CCNY: variants seen among roughly 807,000 people sequenced by gnomAD.
CCNY encodes cyclin Y.
In CCNY, 19 loss-of-function variants were observed where a neutral mutation model predicts 42.8. That is an observed-to-expected ratio of 0.44 (90% CI 0.31 to 0.65). The LOEUF is 0.65. Among genes scored for constraint, CCNY ranks in the 30% least tolerant of loss-of-function variants. The pLI, the probability that CCNY is intolerant of heterozygous loss-of-function variation, is 0.07. For synonymous variants in CCNY, 165 were observed against 162.7 expected (o/e 1.01, Z -0.11); for missense variants, 370 against 437.3 (o/e 0.85, Z 1.37).
At chr10:35,247,354 G>T (rs2095708718) in intron 1 of CCNY, among the ~76,000 whole-genome samples, 1 of 152,206 alleles carries the variant, frequency 6.6e-6, no homozygotes. Context: ...AGCACTTTGG[G>T]AGGCTGAGGT....
At chr10:35,406,671 T>C (rs1360139751) in intron 1 of CCNY, among the ~76,000 whole-genome samples, 4 of 152,204 alleles carry the variant, frequency 2.6e-5, no homozygotes, top group Non-Finnish European at 5.9e-5. Flanking sequence ...CTCAGTCTTT[T>C]CCCCACCTTT....
At chr10:35,262,333 A>G (rs914889978) in intron 3 of CCNY, among the ~76,000 whole-genome samples, 9 of 132,278 alleles carry the variant, frequency 6.8e-5, no homozygotes, top group African/African-American at 2.9e-4. Flanking sequence ...ATTTTATTTT[A>G]TTTTATTTTA....
intron 1 of CCNY, among the ~76,000 whole-genome samples, chr10:35,339,943 A>G (rs547666307): frequency 6.6e-6 from 1 of 152,352 alleles, no homozygotes; most frequent in East Asian, 1.9e-4. Context: ...AAAAAACAGC[A>G]ACACATAACA....
At chr10:35,430,934 T>G (rs1327284054) in intron 1 of CCNY, among the ~76,000 whole-genome samples, 2 of 151,976 alleles carry the variant, frequency 1.3e-5, no homozygotes, top group Non-Finnish European at 2.9e-5. Context: ...CTGGCCAACA[T>G]GGTGAAACCC....
Position 35,453,122 on chromosome 10 carries a change from A to C in CCNY, c.155-30282A>C, listed in dbSNP as rs563768012. On this transcript the variant is annotated intron_variant, in intron 1 of 9. Transcript: ENST00000374704. ...CAGCGTCCAACTAATTTTTTCATAG[A>C]GATAGGGTCTTGCTTTGTTGCCTAG... is the stretch of plus-strand genomic sequence containing the variant. Among the ~76,000 whole-genome samples, 127 of 152,242 alleles carry C rather than the reference A, an allele frequency of 8.3e-4. No homozygotes were observed. The Middle Eastern group carries it at 0.02, about 24-fold the overall frequency.
At chr10:35,310,974 C>CAACAAAACAAAACAAAACAAAACAA (rs59550105) in intron 3 of CCNY, among the ~76,000 whole-genome samples, 20 of 145,758 alleles carry the variant, frequency 1.4e-4, no homozygotes, top group African/African-American at 5.2e-4. Flanking sequence ...AACCCTGTCT[C>CAACAAAACAAAACAAAACAAAACAA]AACAAAACAA....
intron 3 of CCNY, among the ~76,000 whole-genome samples, chr10:35,327,273 TCTG>T (rs1448774621): frequency 6.6e-6 from 1 of 152,240 alleles, no homozygotes; most frequent in East Asian, 1.9e-4. Context: ...AGTTTTGCAA[TCTG>T]CTTTCTCTCT....
chr10:35,346,448 A>C (rs1049415865), intron 1 of CCNY, among the ~76,000 whole-genome samples: 1 of 152,220 alleles, frequency 6.6e-6, no homozygotes, highest in African/African-American at 2.4e-5. Context: ...GATCCCACAC[A>C]TCAGCAAGAT....
intron 3 of CCNY, among the ~76,000 whole-genome samples, chr10:35,262,396 T>G (rs1217126128): frequency 1.3e-5 from 2 of 150,524 alleles, no homozygotes; most frequent in Non-Finnish European, 2.9e-5. Context: ...TCTCACTCTG[T>G]TGCCCAGGCT....
chr10:35,376,234 C>G (rs573054109), intron 1 of CCNY, among the ~76,000 whole-genome samples: 4 of 152,278 alleles, frequency 2.6e-5, no homozygotes, highest in African/African-American at 9.6e-5. Context: ...ATGGTGCAGC[C>G]ACTGAGGAAA....
upstream of CCNY, among the ~76,000 whole-genome samples, chr10:35,335,564 A>G (rs1836003871): frequency 7.1e-6 from 1 of 139,952 alleles, no homozygotes; most frequent in African/African-American, 2.6e-5. Context: ...AAATGCTTAG[A>G]AAAAAAAAAT....
chr10:35,290,428 AT>A (rs1328637554), intron 3 of CCNY, among the ~76,000 whole-genome samples: 1 of 151,622 alleles, frequency 6.6e-6, no homozygotes, highest in Non-Finnish European at 1.5e-5. Flanking sequence ...AAAAAAAAAA[AT>A]CATAAAAGGG....
intron 3 of CCNY, among the ~76,000 whole-genome samples, chr10:35,258,603 G>A (rs1337134885): frequency 6.6e-6 from 1 of 152,108 alleles, no homozygotes; most frequent in African/African-American, 2.4e-5. Flanking sequence ...TGGAGGATAG[G>A]GCTTCTTTGC....
intron 1 of CCNY, among the ~76,000 whole-genome samples, chr10:35,420,173 A>G (rs549743360): frequency 6.6e-6 from 1 of 152,182 alleles, no homozygotes; most frequent in Non-Finnish European, 1.5e-5. Flanking sequence ...TTAAGCTGCT[A>G]ATTTCCTAAA....
At chr10:35,379,449 A>G (rs1348809830) in intron 1 of CCNY, among the ~76,000 whole-genome samples, 1 of 152,222 alleles carries the variant, frequency 6.6e-6, no homozygotes, top group East Asian at 1.9e-4. Flanking sequence ...CAGACTCTGT[A>G]TTACAGGAAA....
chr10:35,508,828 G>A (rs916496651), intron 3 of CCNY, among the ~76,000 whole-genome samples: 19 of 152,216 alleles, frequency 1.2e-4, no homozygotes, highest in African/African-American at 4.1e-4. Flanking sequence ...AACCACAGAG[G>A]TGTGCAACTG....
chr10:35,263,048 C>T (rs1255267841), intron 3 of CCNY, among the ~76,000 whole-genome samples: 2 of 151,912 alleles, frequency 1.3e-5, no homozygotes, highest in South Asian at 4.2e-4. Flanking sequence ...ATAATGAGAC[C>T]CTGTCTCTAC....
chr10:35,285,119 A>T (rs1193787706), intron 3 of CCNY, among the ~76,000 whole-genome samples: 1 of 152,008 alleles, frequency 6.6e-6, no homozygotes, highest in Non-Finnish European at 1.5e-5. Context: ...AGGTTCAGGC[A>T]ATACTCCTGC....
At chr10:35,537,585 C>T (rs1840911772) in intron 7 of CCNY, among the ~76,000 whole-genome samples, 1 of 152,306 alleles carries the variant, frequency 6.6e-6, no homozygotes, top group South Asian at 2.1e-4. Flanking sequence ...TCAGCGTGAC[C>T]TGGAGTCAAA....
Sources: allele counts gnomAD v4.1 joint callset (sites outside exome capture counted in the v4.1 genomes callset), GRCh38; gene constraint gnomAD v4.1.1; transcripts MANE v1.5; gene names NCBI Gene and HGNC (gene_info 2026-07-23, HGNC 2026-07-21).